PLAA: variants seen among roughly 807,000 people sequenced by gnomAD.
The protein encoded by PLAA is phospholipase A2 activating protein.
In PLAA, 48 loss-of-function variants were observed where a neutral mutation model predicts 84.1. The observed-to-expected ratio is 0.57, with a 90% confidence interval of 0.45 to 0.73. PLAA has a LOEUF of 0.73. PLAA is among the 30% of genes least tolerant of loss of function. The pLI, the probability that PLAA is intolerant of heterozygous loss-of-function variation, is 0.00. For synonymous variants in PLAA, 392 were observed against 336.6 expected (o/e 1.16, Z -1.80); for missense variants, 903 against 954.7 (o/e 0.95, Z 0.71).
At chr9:26,908,078 AAGTACTCT>A in intron 12 of PLAA, 80 bp from the exon 13 acceptor site, 1 of 1,061,398 alleles carries the variant, frequency 9.4e-7, no homozygotes. Flanking sequence ...CTTTCAATAA[AAGTACTCT>A]AGTGTACACC....
intron 1 of PLAA, among the ~76,000 whole-genome samples, chr9:26,944,378 G>C (rs1447937984): frequency 6.6e-6 from 1 of 152,138 alleles, no homozygotes; most frequent in Non-Finnish European, 1.5e-5. Flanking sequence ...AATAAAAATT[G>C]TCAATATGTC....
At chr9:26,914,038 C>T in intron 10 of PLAA, 91 bp from the exon 11 acceptor site, 1 of 874,218 alleles carries the variant, frequency 1.1e-6, no homozygotes. Flanking sequence ...ATTAAGCACA[C>T]TTCACAATGG....
In PLAA at chr9:26,933,445, C is replaced by T. The variant is rs111380542; in HGVS notation, c.343+1568G>A. Among the ~76,000 whole-genome samples, 504 of 151,334 alleles carry T rather than the reference C, an allele frequency of 3.3e-3. 6 individuals carry two copies. Among genetic ancestry groups the T allele is most frequent in the African/African-American group, 0.012 (476 of 41,254 alleles). Reference sequence around the variant, plus strand: ...CCAGCCTGGTGACAGACCGAGACTCCGTCTCAAAATAAATTAAAATTAAAA... The same window carrying T: ...CCAGCCTGGTGACAGACCGAGACTCTGTCTCAAAATAAATTAAAATTAAAA... On this transcript the variant is annotated intron_variant, in intron 2 of 13. Coordinates refer to ENST00000397292, the MANE Select transcript of PLAA (RefSeq NM_001031689.3).
At position 26,930,266 on chromosome 9, in the gene PLAA, A is replaced by G. The variant is rs550644212; in HGVS notation, c.344-1858T>C. 1.1e-4 allele frequency among the ~76,000 whole-genome samples: 17 copies of G among 151,810 alleles called. 1 individual carries two copies. In the South Asian group the frequency reaches 3.1e-3, roughly 28 times the overall value. ...ACCACAGGCGCCCGCCACCACGCCCAGCTAATTTTTTTGTATTTTAGTAGA... is the reference window on the plus strand; with the variant it reads ...ACCACAGGCGCCCGCCACCACGCCCGGCTAATTTTTTTGTATTTTAGTAGA... On this transcript the variant is annotated intron_variant, in intron 2 of 13. Coordinates refer to ENST00000397292, the MANE Select transcript of PLAA (RefSeq NM_001031689.3).
intron 2 of PLAA, among the ~76,000 whole-genome samples, chr9:26,929,812 T>C (rs1039526874): frequency 6.6e-6 from 1 of 152,200 alleles, no homozygotes; most frequent in African/African-American, 2.4e-5. Context: ...ATACTTAGCA[T>C]CACTCAGAGG....
At position 26,916,210 on chromosome 9, in the gene PLAA, G is replaced by T. The variant is rs940712099; in HGVS notation, c.1486+887C>A. The stretch of plus-strand genomic sequence containing the variant: ...CTCTATGACTTAGAGAGGACTGTAG[G>T]TTGTCATTTTTATAGCTCACAGTAC... On this transcript the variant is annotated intron_variant, in intron 10 of 13. Coordinates refer to ENST00000397292, the MANE Select transcript of PLAA (RefSeq NM_001031689.3). 21 of 985,170 alleles carry T rather than the reference G, an allele frequency of 2.1e-5. No individual in the cohort carries two copies. The African/African-American group carries it at 3.0e-4, about 14-fold the overall frequency. 61.0% of individuals were successfully genotyped at this position (985,170 alleles called of 1,614,324 possible).
chr9:26,913,796 C>T (rs1333685253), intron 11 of PLAA, 83 bp downstream of exon 11: 1 of 974,866 alleles, frequency 1.0e-6, no homozygotes, highest in Non-Finnish European at 1.5e-6. Context: ...AAGAAAATGA[C>T]ACAAATTTTC....
chr9:26,937,598 A>T (rs1389636358), intron 1 of PLAA, among the ~76,000 whole-genome samples: 2 of 152,206 alleles, frequency 1.3e-5, no homozygotes, highest in Non-Finnish European at 2.9e-5. Context: ...CTAGACAGAG[A>T]CTTTAAAACA....
chr9:26,934,423 A>C (rs1825288457), intron 2 of PLAA, among the ~76,000 whole-genome samples: 1 of 151,158 alleles, frequency 6.6e-6, no homozygotes, highest in Non-Finnish European at 1.5e-5. Context: ...TAAAAACCAG[A>C]CTCATGAAGT....
intron 6 of PLAA, among the ~76,000 whole-genome samples, chr9:26,923,981 C>G (rs1411785655): frequency 6.6e-6 from 1 of 152,152 alleles, no homozygotes; most frequent in African/African-American, 2.4e-5. Context: ...CTTATTCGTC[C>G]ACAAACATGT....
At chr9:26,925,594 A>G (rs1824920152) in intron 6 of PLAA, among the ~76,000 whole-genome samples, 1 of 152,186 alleles carries the variant, frequency 6.6e-6, no homozygotes, top group Admixed American at 6.5e-5. Flanking sequence ...ATTGCAGTAC[A>G]ATACTGGTAT....
intron 1 of PLAA, among the ~76,000 whole-genome samples, chr9:26,942,747 TG>T (rs371031442): frequency 4.4e-4 from 67 of 151,946 alleles, no homozygotes; most frequent in African/African-American, 1.6e-3. Flanking sequence ...CCGGGCGCCG[TG>T]GCGGGCGCCT....
rs754778787 is a variant in PLAA, at chr9:26,907,936, T to A, written c.1720A>T (p.Ile574Leu). The A allele has an allele frequency of 9.3e-6, 15 of 1,610,754 alleles. No homozygotes were observed. The highest frequency in any genetic ancestry group is 1.6e-4 in the Middle Eastern group (1 of 6,080). The part of the protein sequence containing the change: ...EEKKLTEDDL[I>L]LLEKILSLIC... Reference sequence around the variant, plus strand: ...AGAGACAGTATCTTCTCAAGAAGTATCAAGTCATCCTCAGTTAACTTCTTC... The same window carrying A: ...AGAGACAGTATCTTCTCAAGAAGTAACAAGTCATCCTCAGTTAACTTCTTC... Residue 574 changes from isoleucine to leucine, a missense_variant, in exon 13 of 14, where the codon ATA (isoleucine) becomes TTA (leucine). Coordinates refer to ENST00000397292, the MANE Select transcript of PLAA (RefSeq NM_001031689.3).
chr9:26,930,962 T>C (rs62544443), intron 2 of PLAA, among the ~76,000 whole-genome samples: 18,614 of 151,808 alleles, frequency 0.12, 1,262 homozygotes, highest in South Asian at 0.23. Context: ...AAAATACCAT[T>C]TCCCAGTAAA....
At chr9:26,933,536 C>A (rs535241243) in intron 2 of PLAA, among the ~76,000 whole-genome samples, 17 of 151,928 alleles carry the variant, frequency 1.1e-4, no homozygotes, top group Non-Finnish European at 1.5e-4. Context: ...CGCCTGTAAT[C>A]CCAGCAATAT....
intron 7 of PLAA, among the ~76,000 whole-genome samples, chr9:26,922,780 C>G (rs1563911871): frequency 6.6e-6 from 1 of 151,994 alleles, no homozygotes; most frequent in African/African-American, 2.4e-5. Flanking sequence ...CATCCTCCCA[C>G]CTCAGCCTCC....
intron 1 of PLAA, among the ~76,000 whole-genome samples, chr9:26,944,207 T>C (rs1277557312): frequency 2.0e-5 from 3 of 152,124 alleles, no homozygotes; most frequent in Non-Finnish European, 2.9e-5. Flanking sequence ...CCTTCCACCA[T>C]AGGATGATAC....
chr9:26,916,744 A>G, intron 10 of PLAA: 1 of 947,454 alleles, frequency 1.1e-6, no homozygotes, highest in Non-Finnish European at 1.3e-6. Context: ...CAGACAGGTT[A>G]GGTAACTTGC....
At chr9:26,924,371 C>T (rs1051915196) in intron 6 of PLAA, among the ~76,000 whole-genome samples, 2 of 152,062 alleles carry the variant, frequency 1.3e-5, no homozygotes, top group African/African-American at 2.4e-5. Flanking sequence ...TGAGCTCAAG[C>T]GATCCTCCCA....
Sources: allele counts gnomAD v4.1 joint callset (sites outside exome capture counted in the v4.1 genomes callset), GRCh38; gene constraint gnomAD v4.1.1; transcripts MANE v1.5; gene names NCBI Gene and HGNC (gene_info 2026-07-23, HGNC 2026-07-21).